The following CFAP46 variants were observed in gnomAD, a reference collection of about 807,000 sequenced individuals.
CFAP46 encodes cilia- and flagella-associated protein 46.
CFAP46 carries 245 observed loss-of-function variants against 325.7 expected under a neutral mutation model. The ratio of observed to expected loss-of-function variants is 0.75; its 90% confidence interval spans 0.68 to 0.84. The LOEUF (loss-of-function observed/expected upper bound fraction) is 0.84, where lower values mean the gene tolerates loss of function less well. CFAP46 is among the 40% of genes least tolerant of loss of function. CFAP46 has a pLI of 0.00. For missense variants in CFAP46, 3,346 were observed against 3,543.0 expected (o/e 0.94, Z 1.41); for synonymous variants, 1,523 against 1,495.9 (o/e 1.02, Z -0.42).
At chr10:132,922,834 C>G in intron 11 of CFAP46, 126 bp from the exon 12 acceptor site, 1 of 728,634 alleles carries the variant, frequency 1.4e-6, no homozygotes, top group Non-Finnish European at 2.3e-6. Context: ...CCCGGTGCCC[C>G]TGGCTTTCTG....
intron 8 of CFAP46, among the ~76,000 whole-genome samples, chr10:132,930,519 A>C (rs570014983): frequency 9.0e-6 from 1 of 111,072 alleles, no homozygotes; most frequent in South Asian, 3.3e-4. Context: ...CCTCCTCCCC[A>C]CACAGAGCCT....
intron 1 of CFAP46, 145 bp from the exon 2 acceptor site, chr10:132,942,249 G>A (rs1422864980): frequency 7.3e-6 from 9 of 1,225,992 alleles, no homozygotes; most frequent in African/African-American, 6.1e-5. Flanking sequence ...AGGGAGCAGC[G>A]GTGTGGGCGC....
At position 132,885,164 on chromosome 10, in the gene CFAP46, A is replaced by C. The variant is rs1352262287; in HGVS notation, c.3566T>G (p.Leu1189Arg). The C allele has an allele frequency of 3.9e-6, 6 of 1,550,378 alleles. No homozygotes were observed. In the African/African-American group the frequency reaches 6.8e-5, roughly 18 times the overall value. ...YLARMWHRLA[L>R]NSPSVSGELA... ...CTCTCCAGACACGCTCGGCGAGTTCAGGGCCAGGCGGTGCCACATGCGCGC... is the reference window on the plus strand; with the variant it reads ...CTCTCCAGACACGCTCGGCGAGTTCCGGGCCAGGCGGTGCCACATGCGCGC... The change falls in exon 27 of 58, where the codon CTG (leucine) becomes CGG (arginine). Residue 1189 changes from leucine (L) to arginine (R), a missense_variant. Leu to Arg is a moderately radical substitution (Grantham distance 102). Coordinates refer to ENST00000368586, the MANE Select transcript of CFAP46 (RefSeq NM_001200049.3).
intron 40 of CFAP46, among the ~76,000 whole-genome samples, chr10:132,850,845 G>A (rs10870345): frequency 0.078 from 11,814 of 151,834 alleles, 502 homozygotes; most frequent in Non-Finnish European, 0.098. Context: ...TTATTAATAC[G>A]AATTAATTAG....
At chr10:132,912,989 G>C in intron 18 of CFAP46, 57 bp downstream of exon 18, 1 of 1,529,262 alleles carries the variant, frequency 6.5e-7, no homozygotes, top group Non-Finnish European at 8.8e-7. Context: ...CTTTGCTCTG[G>C]GGTCTCCCAA....
chr10:132,941,282 G>A (rs530460928), intron 3 of CFAP46, among the ~76,000 whole-genome samples: 1 of 152,278 alleles, frequency 6.6e-6, no homozygotes, highest in East Asian at 1.9e-4. Flanking sequence ...AGCAGAAACC[G>A]CAGTGCCTGT....
Position 132,909,200 on chromosome 10 carries a change from G to A in CFAP46, c.2694C>T (p.Ala898=). 2 of 1,550,372 alleles carry A rather than the reference G, an allele frequency of 1.3e-6. No homozygotes were observed. Among genetic ancestry groups the A allele is most frequent in the South Asian group, 1.2e-5 (1 of 84,062 alleles). ...DVSSVTRVLV[A]LEMYSCNGLG... ...GCCCGTTGCATGAGTACATTTCCAA[G>A]GCAACGAGGACTCTGGTCACCGAGC... The change falls in exon 21 of 58, where the codon GCC becomes GCT. Residue 898 remains alanine, a synonymous_variant. Transcript: ENST00000368586.
At position 132,827,656 on chromosome 10, in the gene CFAP46, C is replaced by T. The variant is rs925145492; in HGVS notation, c.7117+5702G>A. Among the ~76,000 whole-genome samples, 12 of 152,024 alleles carry T rather than the reference C, an allele frequency of 7.9e-5. No homozygotes were observed. The highest frequency in any genetic ancestry group is 5.2e-4 in the Admixed American group (8 of 15,262). On this transcript the variant is annotated intron_variant, in intron 50 of 57. Transcript: ENST00000368586. The surrounding 1 kb of genome is among the most constrained non-coding windows in gnomAD (Gnocchi z 5.7). ...AAGTGAGCAACGTGACGGGACTGGA[C>T]GCTGCACGCCAGCAAGTCATCGCCA... is the stretch of plus-strand genomic sequence containing the variant.
Position 132,814,138 on chromosome 10 carries a change from G to A in CFAP46, c.7388+14C>T. On this transcript the variant is annotated intron_variant, in intron 54 of 57. Coordinates refer to ENST00000368586, the MANE Select transcript of CFAP46 (RefSeq NM_001200049.3). ...GCCACACTGCAAACGGCTCCTGGGA[G>A]CCCAGATCCGAACCTGGGAAAGTGC... is the stretch of plus-strand genomic sequence containing the variant. 3 of 1,607,822 alleles carry A rather than the reference G, an allele frequency of 1.9e-6. No homozygotes were observed. Among genetic ancestry groups the A allele is most frequent in the Non-Finnish European group, 2.6e-6 (3 of 1,174,716 alleles).
intron 50 of CFAP46, among the ~76,000 whole-genome samples, chr10:132,823,640 GATGTGTGCT>G (rs1160829177): frequency 3.3e-3 from 408 of 124,870 alleles, no homozygotes; most frequent in African/African-American, 0.012. Context: ...TGTGAGTGCT[GATGTGTGCT>G]GTGTGTGCTG....
intron 18 of CFAP46, 53 bp downstream of exon 18, chr10:132,912,993 C>T (rs1849577327): frequency 6.5e-6 from 10 of 1,531,874 alleles, no homozygotes; most frequent in African/African-American, 1.4e-5. Context: ...GCTCTGGGGT[C>T]TCCCAAGGGA....
chr10:132,840,221 T>G (rs1030482530), intron 44 of CFAP46, among the ~76,000 whole-genome samples: 1 of 152,218 alleles, frequency 6.6e-6, no homozygotes. Flanking sequence ...GTTGGTCCAT[T>G]TGAGTCCGGT....
In CFAP46 at chr10:132,877,439, T is replaced by C. The variant is rs1382590632; in HGVS notation, c.4212+442A>G. 1.3e-5 allele frequency among the ~76,000 whole-genome samples: 2 copies of C among 152,112 alleles called. No homozygotes were observed. The highest frequency in any genetic ancestry group is 4.8e-5 in the African/African-American group (2 of 41,426). On this transcript the variant is annotated intron_variant, in intron 30 of 57. Coordinates refer to ENST00000368586, the MANE Select transcript of CFAP46 (RefSeq NM_001200049.3). The surrounding 1 kb of genome is among the most constrained non-coding windows in gnomAD (Gnocchi z 5.7). The stretch of plus-strand genomic sequence containing the variant: ...GATACTTGCAGAGAGAAAGGTTTCA[T>C]GAGATGAAAAAAACACTTTTCTCAC...
chr10:132,827,987 T>C lies in CFAP46; in HGVS notation c.7117+5371A>G, dbSNP rs1257939651. ...CCGTCACCCCTCAGCGTAATCCTTC[T>C]GAGCCCCGTCTACGCTGTCCCACGC... On this transcript the variant is annotated intron_variant, in intron 50 of 57. Coordinates refer to ENST00000368586, the MANE Select transcript of CFAP46 (RefSeq NM_001200049.3). The surrounding 1 kb of genome is among the most constrained non-coding windows in gnomAD (Gnocchi z 5.7). Among the ~76,000 whole-genome samples the C allele has an allele frequency of 6.6e-6, 1 of 152,160 alleles. No homozygotes were observed. The highest frequency in any genetic ancestry group is 2.4e-5 in the African/African-American group (1 of 41,436).
intron 50 of CFAP46, among the ~76,000 whole-genome samples, chr10:132,833,133 C>T (rs866541886): frequency 1.3e-5 from 2 of 151,926 alleles, no homozygotes; most frequent in South Asian, 4.2e-4. Flanking sequence ...CACCACCATG[C>T]CCAGCTAATT....
At chr10:132,868,394 GCT>G (rs776121287) in intron 33 of CFAP46, among the ~76,000 whole-genome samples, 3 of 152,208 alleles carry the variant, frequency 2.0e-5, no homozygotes, top group Admixed American at 6.5e-5. Context: ...CTGGGACACT[GCT>G]CCACGTCCCT....
intron 8 of CFAP46, among the ~76,000 whole-genome samples, chr10:132,931,592 G>A (rs1849904363): frequency 7.4e-6 from 1 of 135,128 alleles, no homozygotes; most frequent in African/African-American, 2.9e-5. Flanking sequence ...CACAGAGCCT[G>A]GGCCTTCCCC....
intron 22 of CFAP46, among the ~76,000 whole-genome samples, chr10:132,902,704 T>C (rs534246933): frequency 6.6e-6 from 1 of 152,370 alleles, no homozygotes; most frequent in South Asian, 2.1e-4. Context: ...AGTAATTTCT[T>C]ACTTTATGCT....
In CFAP46 at chr10:132,808,993, C is replaced by T. The variant is rs1847524760; in HGVS notation, c.7665-89G>A. The T allele has an allele frequency of 3.7e-6, 5 of 1,335,296 alleles. No individual in the cohort carries two copies. Among genetic ancestry groups the T allele is most frequent in the South Asian group, 1.5e-5 (1 of 65,478 alleles). 82.7% of individuals were successfully genotyped at this position (1,335,296 alleles called of 1,614,324 possible). On this transcript the variant is annotated intron_variant, in intron 57 of 57. Transcript: ENST00000368586. This position sits in a 1 kb window ranked among gnomAD's most constrained non-coding sequence, Gnocchi z 6.8. ...ACCAGGGCACAGGGGCGGGAAGTGG[C>T]AGCTGCTCCAACTGAGGGCGCTCTG...
Sources: gnomAD v4.1 joint callset for allele counts (sites outside exome capture counted in the v4.1 genomes callset) on GRCh38, gnomAD v4.1.1 for gene constraint, Gnocchi (gnomAD v3.1) non-coding constraint, MANE v1.5 for transcripts, NCBI Gene and HGNC (gene_info 2026-07-23, HGNC 2026-07-21) for gene names.